Variants in SMYD3 observed in about 807,000 individuals in gnomAD.
The protein encoded by SMYD3 is SET and MYND domain containing 3, also known as histone-lysine N-methyltransferase SMYD3.
A neutral mutation model predicts 57.7 loss-of-function variants in SMYD3; 36 were observed. The ratio of observed to expected loss-of-function variants is 0.62; its 90% CI spans 0.48 to 0.82. The LOEUF (loss-of-function observed/expected upper bound fraction) is 0.82. Among genes scored for constraint, SMYD3 ranks in the 40% least tolerant of loss-of-function variants. The pLI is 0.00. For missense variants in SMYD3, 515 were observed against 538.8 expected (o/e 0.96, Z 0.44); for synonymous variants, 211 against 195.0 (o/e 1.08, Z -0.68).
chr1:246,009,717 C>T (rs2059243647), intron 5 of SMYD3, among the ~76,000 whole-genome samples: 1 of 150,804 alleles, frequency 6.6e-6, no homozygotes, highest in South Asian at 2.1e-4. Context: ...CATTAAAATA[C>T]CTTCAAAATT....
At chr1:246,055,913 A>G (rs547692197) in intron 5 of SMYD3, among the ~76,000 whole-genome samples, 1 of 152,312 alleles carries the variant, frequency 6.6e-6, no homozygotes, top group African/African-American at 2.4e-5. Context: ...ATGATGAAAA[A>G]GAGTTCTGGA....
intron 8 of SMYD3, among the ~76,000 whole-genome samples, chr1:245,877,301 C>T (rs1354882068): frequency 6.6e-6 from 1 of 152,036 alleles, no homozygotes; most frequent in Non-Finnish European, 1.5e-5. Context: ...CTGAATTAAA[C>T]GGTTCATCGG....
At chr1:245,932,227 G>A (rs2056764412) in intron 5 of SMYD3, among the ~76,000 whole-genome samples, 1 of 152,126 alleles carries the variant, frequency 6.6e-6, no homozygotes, top group South Asian at 2.1e-4. Flanking sequence ...CCTGGACTAT[G>A]AAGCAAATTA....
rs1299845577 is a variant in SMYD3, at chr1:246,093,288, C to G, written c.532-163351G>C. 2.0e-5 allele frequency among the ~76,000 whole-genome samples: 3 copies of G among 152,198 alleles called. No individual in the cohort carries two copies. The East Asian group carries it at 5.8e-4, about 29-fold the overall frequency. On this transcript the variant is annotated intron_variant, in intron 5 of 11. Coordinates refer to ENST00000490107, the MANE Select transcript of SMYD3 (RefSeq NM_001167740.2). The stretch of plus-strand genomic sequence containing the variant: ...TGGGTATGTATCCAAAAGAAAGGAA[C>G]TCAGTGCCTCAAAGAGATACCTGCA...
chr1:246,346,141 G>A (rs890726657), intron 2 of SMYD3, among the ~76,000 whole-genome samples: 22 of 152,154 alleles, frequency 1.4e-4, no homozygotes, highest in East Asian at 5.8e-4. Flanking sequence ...AAAATTAGCC[G>A]GGCGTGGTGG....
intron 1 of SMYD3, among the ~76,000 whole-genome samples, chr1:246,441,799 A>G (rs546950184): frequency 4.6e-5 from 7 of 152,180 alleles, no homozygotes; most frequent in Non-Finnish European, 1.0e-4. Context: ...TTTAGTAGAG[A>G]TGAGGTTTCA....
chr1:246,089,472 T>C (rs1410325658), intron 5 of SMYD3, among the ~76,000 whole-genome samples: 7 of 152,198 alleles, frequency 4.6e-5, no homozygotes, highest in Non-Finnish European at 8.8e-5. Flanking sequence ...GAAAGGTGCA[T>C]ATCCAACCCA....
intron 10 of SMYD3, among the ~76,000 whole-genome samples, chr1:245,806,943 A>AAAAAAAAAAG (rs1242878546): frequency 6.7e-6 from 1 of 149,554 alleles, no homozygotes; most frequent in East Asian, 2.0e-4. Context: ...AAAAAAAAAA[A>AAAAAAAAAAG]AAGAGGGAGA....
chr1:246,268,342 A>C (rs751825738), intron 5 of SMYD3, among the ~76,000 whole-genome samples: 18 of 152,136 alleles, frequency 1.2e-4, no homozygotes, highest in Non-Finnish European at 2.5e-4. Context: ...CAACATCAGG[A>C]AGTTACCCTA....
At chr1:246,135,172 T>C (rs1291924335) in intron 5 of SMYD3, among the ~76,000 whole-genome samples, 1 of 152,182 alleles carries the variant, frequency 6.6e-6, no homozygotes, top group African/African-American at 2.4e-5. Context: ...TTCAGTCATC[T>C]ACCTGAAAGC....
chr1:246,308,550 G>A (rs1003488812), intron 5 of SMYD3, among the ~76,000 whole-genome samples: 2 of 152,052 alleles, frequency 1.3e-5, no homozygotes, highest in Admixed American at 6.5e-5. Flanking sequence ...CCTCCTAGCC[G>A]ACTACAACAG....
At chr1:246,206,966 T>C (rs1400877230) in intron 5 of SMYD3, among the ~76,000 whole-genome samples, 1 of 152,176 alleles carries the variant, frequency 6.6e-6, no homozygotes, top group African/African-American at 2.4e-5. Flanking sequence ...CCGAAAGTGA[T>C]GGCAGACTCA....
chr1:246,216,995 T>C (rs10924565), intron 5 of SMYD3, among the ~76,000 whole-genome samples: 40,348 of 151,954 alleles, frequency 0.27, 6,099 homozygotes, highest in East Asian at 0.58. Context: ...AGAATCACTG[T>C]AAATTACAAA....
At chr1:246,453,946 C>G (rs1572514591) in intron 1 of SMYD3, among the ~76,000 whole-genome samples, 1 of 152,178 alleles carries the variant, frequency 6.6e-6, no homozygotes, top group African/African-American at 2.4e-5. Flanking sequence ...TCTGATGGAA[C>G]AAGTGGATCT....
chr1:246,196,562 T>A (rs892586838), intron 5 of SMYD3, among the ~76,000 whole-genome samples: 7 of 152,226 alleles, frequency 4.6e-5, no homozygotes, highest in African/African-American at 1.4e-4. Context: ...CTAAGAAATG[T>A]TTTTAGAAAT....
chr1:245,971,796 A>G (rs1324754340), intron 5 of SMYD3, among the ~76,000 whole-genome samples: 1 of 152,224 alleles, frequency 6.6e-6, no homozygotes, highest in Non-Finnish European at 1.5e-5. Context: ...CCCTTTGCTT[A>G]CATGATCACT....
At chr1:246,432,368 C>A (rs1376703901) in intron 1 of SMYD3, among the ~76,000 whole-genome samples, 1 of 152,188 alleles carries the variant, frequency 6.6e-6, no homozygotes, top group Non-Finnish European at 1.5e-5. Context: ...GAAAGTTAAT[C>A]ATTCCACTTG....
chr1:245,970,124 A>G (rs1330543353), intron 5 of SMYD3, among the ~76,000 whole-genome samples: 1 of 152,224 alleles, frequency 6.6e-6, no homozygotes. Context: ...GTATAGACGA[A>G]TGGAACAGAA....
At chr1:245,786,340 T>C (rs1033009605) in intron 10 of SMYD3, among the ~76,000 whole-genome samples, 1 of 152,086 alleles carries the variant, frequency 6.6e-6, no homozygotes, top group African/African-American at 2.4e-5. Context: ...GGCATCTTTA[T>C]ACACCACAAG....
Sources: allele counts gnomAD v4.1 joint callset (sites outside exome capture counted in the v4.1 genomes callset), GRCh38; gene constraint gnomAD v4.1.1; transcripts MANE v1.5; gene names NCBI Gene and HGNC (gene_info 2026-07-23, HGNC 2026-07-21).